Variants in HEATR4 observed in about 807,000 individuals in gnomAD.
HEATR4 encodes HEAT repeat containing 4.
In HEATR4, 95 loss-of-function variants were observed where a neutral mutation model predicts 108.8. The observed-to-expected ratio is 0.87, with a 90% CI of 0.74 to 1.04. HEATR4 has a LOEUF of 1.04. HEATR4 is among the 50% of genes least tolerant of loss of function. The pLI is 0.00. For missense variants in HEATR4, 1,152 were observed against 1,253.8 expected, an observed-to-expected ratio of 0.92 and a Z score of 1.23; for synonymous variants, 443 against 459.4, an observed-to-expected ratio of 0.96 and a Z score of 0.46.
chr14:73,483,610 T>A (rs1885335098), intron 17 of HEATR4, among the ~76,000 whole-genome samples: 2 of 152,232 alleles, frequency 1.3e-5, no homozygotes, highest in Non-Finnish European at 2.9e-5. Context: ...AAATTCTGTG[T>A]GGAAGTTACT....
At position 73,502,885 on chromosome 14, in the gene HEATR4, T is replaced by C; in HGVS notation, c.2105+10A>G. On this transcript the variant is annotated intron_variant, in intron 11 of 17. Coordinates refer to ENST00000553558, the MANE Select transcript of HEATR4 (RefSeq NM_001220484.1). ...TAGAAGAGTGTCTCCTCATGTTGAC[T>C]GGGTCTTACCTGATTATGTCGTGCA... 2 of 1,598,062 alleles carry C rather than the reference T, an allele frequency of 1.3e-6. No individual in the cohort carries two copies. The highest frequency in any genetic ancestry group is 1.1e-5 in the South Asian group (1 of 90,718).
At chr14:73,482,869 A>G (rs1885309200) in intron 17 of HEATR4, among the ~76,000 whole-genome samples, 3 of 152,220 alleles carry the variant, frequency 2.0e-5, no homozygotes, top group African/African-American at 7.2e-5. Flanking sequence ...CATGTTGGCC[A>G]GGCTGGTCTG....
chr14:73,549,296 C>T lies in HEATR4; in HGVS notation c.-152+9455G>A, dbSNP rs1290444590. On this transcript the variant is annotated intron_variant, in intron 1 of 17. Transcript: ENST00000553558. The stretch of plus-strand genomic sequence containing the variant: ...TCTGTGTGTGTGTGTATCTCAGGGG[C>T]GTCAGGCCTCAATTTCCTCATCTAT... Among the ~76,000 whole-genome samples, 6 of 114,158 alleles carry T rather than the reference C, an allele frequency of 5.3e-5. 3 individuals carry two copies. The highest frequency in any genetic ancestry group is 1.4e-3 in the East Asian group (2 of 1,428). The allele number at this position is 114,158 out of a possible 152,430, so 74.9% of individuals were successfully genotyped here.
chr14:73,519,035 T>C lies in HEATR4; in HGVS notation c.1198A>G (p.Ile400Val). Residue 400 changes from isoleucine to valine, a missense_variant, in exon 5 of 18, where the codon ATT (isoleucine) becomes GTT (valine). Physicochemically the swap from Ile to Val is conservative, Grantham distance 29. Transcript: ENST00000553558. ...ETPEKWSAQA[I>V]PEASYRPVQG... ...GCTTCCTGCTTACATGCTTCAGGAATTGCCTGGGCACTCCACTTTTCTGGA... is the reference window on the plus strand; with the variant it reads ...GCTTCCTGCTTACATGCTTCAGGAACTGCCTGGGCACTCCACTTTTCTGGA... The C allele has an allele frequency of 5.6e-6, 9 of 1,612,670 alleles. No individual in the cohort carries two copies. The highest frequency in any genetic ancestry group is 7.6e-6 in the Non-Finnish European group (9 of 1,179,384).
chr14:73,503,867 G>A (rs1464656254), intron 10 of HEATR4, among the ~76,000 whole-genome samples: 4 of 152,144 alleles, frequency 2.6e-5, no homozygotes, highest in Admixed American at 2.6e-4. Context: ...TAGACATACT[G>A]CCTTTCTTAG....
intron 11 of HEATR4, among the ~76,000 whole-genome samples, chr14:73,501,208 T>C (rs1338795597): frequency 6.6e-6 from 1 of 152,056 alleles, no homozygotes; most frequent in Non-Finnish European, 1.5e-5. Context: ...AAGCGCCGCC[T>C]CCTGGGTTCA....
At chr14:73,486,527 G>A (rs976184130) in intron 17 of HEATR4, among the ~76,000 whole-genome samples, 4 of 151,790 alleles carry the variant, frequency 2.6e-5, no homozygotes, top group African/African-American at 4.8e-5. Context: ...GCGAAACCCC[G>A]TCTCTAGTGA....
chr14:73,516,220 T>C (rs1172231884), intron 5 of HEATR4, among the ~76,000 whole-genome samples: 1 of 42,980 alleles, frequency 2.3e-5, no homozygotes, highest in Non-Finnish European at 3.4e-5. Context: ...GCCCATACAA[T>C]GCATCTCCTC....
upstream of HEATR4, among the ~76,000 whole-genome samples, chr14:73,559,464 C>CTGCAATT (rs1306617402): frequency 2.0e-5 from 3 of 151,976 alleles, no homozygotes; most frequent in Non-Finnish European, 4.4e-5. Context: ...GGCGCGATGG[C>CTGCAATT]TCACGCCTGC....
In HEATR4 at chr14:73,522,728, G is replaced by T; in HGVS notation, c.425C>A (p.Ala142Asp). ...TSLAVKTESS[A>D]NPEKKLKKSK... Reference sequence around the variant, plus strand: ...TTTCTTCAGCTTCTTTTCGGGATTGGCAGAGCTTTCTGTCTTCACAGCCAG... The same window carrying T: ...TTTCTTCAGCTTCTTTTCGGGATTGTCAGAGCTTTCTGTCTTCACAGCCAG... The change falls in exon 3 of 18, where the codon GCC becomes GAC. Residue 142 changes from alanine to aspartate, a missense_variant. Coordinates refer to ENST00000553558, the MANE Select transcript of HEATR4 (RefSeq NM_001220484.1). 1 of 1,614,200 alleles carries T rather than the reference G, an allele frequency of 6.2e-7. No homozygotes were observed. Among genetic ancestry groups the T allele is most frequent in the Non-Finnish European group, 8.5e-7 (1 of 1,180,036 alleles).
At chr14:73,528,523 G>A (rs571363780) in intron 2 of HEATR4, among the ~76,000 whole-genome samples, 2 of 152,130 alleles carry the variant, frequency 1.3e-5, no homozygotes, top group African/African-American at 4.8e-5. Flanking sequence ...TACTAGGTCT[G>A]ATCAAAAGAG....
the HEATR4 span, chr14:73,571,511 T>C: frequency 6.6e-6 from 1 of 152,034 alleles, no homozygotes; most frequent in African/African-American, 2.4e-5. Context: ...TTCACACCCG[T>C]GGGCCACTTT....
chr14:73,590,075 T>G, the HEATR4 span, among the ~76,000 whole-genome samples: 93 of 152,200 alleles, frequency 6.1e-4, no homozygotes, highest in African/African-American at 2.0e-3. Flanking sequence ...GAACAAACCT[T>G]CCCGCAACGT....
chr14:73,492,335 G>C lies in HEATR4; in HGVS notation c.2844+731C>G. 1 of 1,614,004 alleles carries C rather than the reference G, an allele frequency of 6.2e-7. No homozygotes were observed. Among genetic ancestry groups the C allele is most frequent in the Non-Finnish European group, 8.5e-7 (1 of 1,179,852 alleles). ...CTTAGAGGCCATACTGCCTCTGGCA[G>C]TGCAGGCTGCAATGGAAGAAAATGT... On this transcript the variant is annotated intron_variant, in intron 17 of 17. Coordinates refer to ENST00000553558, the MANE Select transcript of HEATR4 (RefSeq NM_001220484.1). This position sits in a 1 kb window ranked among gnomAD's most constrained non-coding sequence, Gnocchi z 4.9.
upstream of HEATR4, among the ~76,000 whole-genome samples, chr14:73,563,524 G>C (rs1889560374): frequency 6.6e-6 from 1 of 152,048 alleles, no homozygotes; most frequent in African/African-American, 2.4e-5. Context: ...GAACCCGGGA[G>C]GTGGAGGTTG....
the HEATR4 span, chr14:73,617,197 G>T: frequency 6.2e-7 from 1 of 1,614,070 alleles, no homozygotes; most frequent in Non-Finnish European, 8.5e-7. Context: ...CCAAAGGTGC[G>T]TTCTGGTGAT....
Position 73,506,804 on chromosome 14 carries a change from G to GTTTTTTTTTTTTTTTTTTTTTTTTTTTT in HEATR4, c.1882-234_1882-233insAAAAAAAAAAAAAAAAAAAAAAAAAAAA, listed in dbSNP as rs34660727. Among the ~76,000 whole-genome samples, 10 of 80,520 alleles carry GTTTTTTTTTTTTTTTTTTTTTTTTTTTT rather than the reference G, an allele frequency of 1.2e-4. 2 individuals are homozygous for GTTTTTTTTTTTTTTTTTTTTTTTTTTTT. The highest frequency in any genetic ancestry group is 7.4e-4 in the Admixed American group (4 of 5,440). The allele number at this position is 80,520 out of a possible 152,430, so 52.8% of individuals were successfully genotyped here. On this transcript the variant is annotated intron_variant, in intron 9 of 17. Coordinates refer to ENST00000553558, the MANE Select transcript of HEATR4 (RefSeq NM_001220484.1). ...GGACCTTCCTTTCCTGACTTTAACT[G>GTTTTTTTTTTTTTTTTTTTTTTTTTTTT]TTTTTTTTTTTTTTTTTTTTTCTGA...
chr14:73,598,250 T>C, the HEATR4 span, among the ~76,000 whole-genome samples: 324 of 101,616 alleles, frequency 3.2e-3, 2 homozygotes, highest in African/African-American at 0.011. Context: ...CATAGCCGGG[T>C]GTGGTGGCAG....
Position 73,522,982 on chromosome 14 carries a change from T to G in HEATR4, c.171A>C (p.Leu57=), listed in dbSNP as rs367864601. Residue 57 remains leucine (L), a synonymous_variant, in exon 3 of 18, where the codon CTA becomes CTC. Coordinates refer to ENST00000553558, the MANE Select transcript of HEATR4 (RefSeq NM_001220484.1). ...PMVFFSSQYR[L]HRKSQYLKMA... is the part of the protein sequence containing the mutation. ...TTTTCAAATATTGGCTCTTGCGGTG[T>G]AGACGGTACTGTGAGCTGAAGAAGA... is the stretch of plus-strand genomic sequence containing the variant. 76 of 1,614,076 alleles carry G rather than the reference T, an allele frequency of 4.7e-5. No homozygotes were observed. Among genetic ancestry groups the G allele is most frequent in the Non-Finnish European group, 6.4e-5 (75 of 1,180,044 alleles).
Sources: allele counts gnomAD v4.1 joint callset (sites outside exome capture counted in the v4.1 genomes callset), GRCh38; gene constraint gnomAD v4.1.1; non-coding constraint Gnocchi (gnomAD v3.1); transcripts MANE v1.5; gene names NCBI Gene and HGNC (gene_info 2026-07-23, HGNC 2026-07-21).